The following PTCH1 variants were observed in gnomAD, a reference collection of about 807,000 sequenced individuals.
The protein encoded by PTCH1 is patched 1.
In PTCH1, 14 loss-of-function variants were observed where a neutral mutation model predicts 144.6. That is an observed-to-expected ratio of 0.10 (90% CI 0.06 to 0.15). The LOEUF is 0.15. Among genes scored for constraint, PTCH1 ranks in the 10% least tolerant of loss-of-function variants. The probability of loss-of-function intolerance (pLI) is 1.00; values close to 1 mark genes in which losing one functional copy is unlikely to be tolerated. For missense variants in PTCH1, 1,623 were observed against 1,948.3 expected (o/e 0.83, Z 3.14); for synonymous variants, 833 against 793.6 (o/e 1.05, Z -0.83).
chr9:95,507,246 G>A (rs1843752379), intron 1 of PTCH1: 2 of 985,576 alleles, frequency 2.0e-6, no homozygotes. Context: ...TTTGTGATCG[G>A]AAGAGGGCAG....
intron 2 of PTCH1, among the ~76,000 whole-genome samples, chr9:95,489,698 A>G (rs1254582485): frequency 6.6e-6 from 1 of 152,042 alleles, no homozygotes; most frequent in Non-Finnish European, 1.5e-5. Context: ...TGTTCGTGAA[A>G]TAGTGCAGAA....
chr9:95,494,547 G>C, intron 2 of PTCH1: 1 of 792,722 alleles, frequency 1.3e-6, no homozygotes, highest in Non-Finnish European at 1.5e-6. Flanking sequence ...AACTGTCCCA[G>C]GTTCTACCAC....
intron 2 of PTCH1, among the ~76,000 whole-genome samples, chr9:95,504,022 CAAAAAAAAAAAAAAAAAAAAAAAAAA>C (rs58747037): frequency 8.9e-4 from 6 of 6,712 alleles, no homozygotes; most frequent in Non-Finnish European, 1.4e-3. Context: ...GACTCCGTCT[CAAAAAAAAAAAAAAAAAAAAAAAAAA>C]AAAAAAAAAA....
Position 95,446,982 on chromosome 9 carries a change from G to A in PTCH1, c.4274C>T (p.Ser1425Leu), listed in dbSNP as rs587778630. The A allele has an allele frequency of 2.9e-5, 46 of 1,614,010 alleles. No homozygotes were observed. The highest frequency in any genetic ancestry group is 4.4e-5 in the South Asian group (4 of 91,090). Reference protein sequence around the residue: ...PFHVRCERRDSKVEVIELQDV... With the variant: ...PFHVRCERRDLKVEVIELQDV... ...CTGCAGCTCAATGACTTCCACCTTC[G>A]AATCCCTCCTCTCACACCGGACGTG... Residue 1425 changes from serine to leucine, a missense_variant, in exon 23 of 24, where the codon TCG (serine) becomes TTG (leucine). Transcript: ENST00000331920.
intron 16 of PTCH1, among the ~76,000 whole-genome samples, chr9:95,461,001 A>G (rs1452773722): frequency 6.6e-6 from 1 of 152,188 alleles, no homozygotes. Context: ...AAGGGGAGAC[A>G]ATAAACATAG....
At chr9:95,460,802 G>GTA (rs1188154835) in intron 16 of PTCH1, among the ~76,000 whole-genome samples, 10 of 152,136 alleles carry the variant, frequency 6.6e-5, no homozygotes, top group African/African-American at 2.2e-4. Context: ...TTGTCCCACA[G>GTA]TATCCCTGGT....
At chr9:95,511,008 C>G (rs1448501597), upstream of PTCH1, among the ~76,000 whole-genome samples, 1 of 148,574 alleles carries the variant, frequency 6.7e-6, no homozygotes, top group Non-Finnish European at 1.5e-5. Flanking sequence ...ACGTGCCGGA[C>G]GCGCCGTAGT....
intron 12 of PTCH1, among the ~76,000 whole-genome samples, chr9:95,473,218 T>A (rs145724755): frequency 7.0e-4 from 106 of 152,326 alleles, no homozygotes; most frequent in African/African-American, 2.2e-3. Flanking sequence ...GACAGTTTCC[T>A]TGTGGAAAAA....
At chr9:95,474,800 CAG>C (rs1164930754) in intron 12 of PTCH1, among the ~76,000 whole-genome samples, 1 of 152,082 alleles carries the variant, frequency 6.6e-6, no homozygotes, top group African/African-American at 2.4e-5. Flanking sequence ...AAACAGAAAC[CAG>C]ATGCAAGACT....
chr9:95,470,098 C>A (rs1017832092), intron 12 of PTCH1, among the ~76,000 whole-genome samples, 167 bp from the exon 13 acceptor site: 2 of 152,198 alleles, frequency 1.3e-5, no homozygotes, highest in African/African-American at 2.4e-5. Flanking sequence ...TCATCAAGAG[C>A]CTATTTGATA....
chr9:95,471,177 A>G (rs1209859754), intron 12 of PTCH1, among the ~76,000 whole-genome samples: 1 of 152,208 alleles, frequency 6.6e-6, no homozygotes, highest in Non-Finnish European at 1.5e-5. Flanking sequence ...TAAACGTCCT[A>G]GGGTGAGGAA....
At chr9:95,447,484 T>A (rs1406050036) in intron 22 of PTCH1, 33 bp from the exon 23 acceptor site, 1 of 1,516,180 alleles carries the variant, frequency 6.6e-7, no homozygotes, top group Non-Finnish European at 8.8e-7. Context: ...AGAAGGGTGG[T>A]ATCCCAGGCT....
chr9:95,449,585 G>C lies in PTCH1; in HGVS notation c.3549+256C>G. 1 of 633,938 alleles carries C rather than the reference G, an allele frequency of 1.6e-6. No homozygotes were observed. 39.3% of individuals were successfully genotyped at this position (633,938 alleles called of 1,614,324 possible). The stretch of plus-strand genomic sequence containing the variant: ...TGTGAAGTCCAATTATGCATCTCAA[G>C]GGGAAAGTCTTCATTTACTGTATAA... On this transcript the variant is annotated intron_variant, in intron 21 of 23. Transcript: ENST00000331920. This position sits in a 1 kb window ranked among gnomAD's most constrained non-coding sequence, Gnocchi z 5.3.
upstream of PTCH1, among the ~76,000 whole-genome samples, chr9:95,509,842 C>T (rs976126769): frequency 2.6e-5 from 4 of 152,034 alleles, no homozygotes; most frequent in Non-Finnish European, 4.4e-5. Context: ...TTCCTCTTCT[C>T]TTTTCTTTTA....
In PTCH1 at chr9:95,458,299, C is replaced by T. The variant is rs775208484; in HGVS notation, c.2888-6G>A. ...GATGGGCTCTGCTGCCGGGACTGGA[C>T]AGAGAAGGGCACAGGTTAGGAGCAG... On this transcript the variant is annotated splice_polypyrimidine_tract_variant and splice_region_variant and intron_variant, in intron 17 of 23. Transcript: ENST00000331920. The surrounding 1 kb of genome is among the most constrained non-coding windows in gnomAD (Gnocchi z 4.7). 4.3e-6 allele frequency: 7 copies of T among 1,613,200 alleles called. No homozygotes were observed. Among genetic ancestry groups the T allele is most frequent in the South Asian group, 1.1e-5 (1 of 90,924 alleles).
At chr9:95,460,225 C>T (rs947075511) in intron 16 of PTCH1, among the ~76,000 whole-genome samples, 4 of 152,208 alleles carry the variant, frequency 2.6e-5, no homozygotes, top group African/African-American at 9.7e-5. Context: ...AAAAATAAAA[C>T]AACATCTGTA....
chr9:95,449,861 A>C lies in PTCH1; in HGVS notation c.3529T>G (p.Phe1177Val), dbSNP rs772200521. The C allele has an allele frequency of 6.8e-6, 11 of 1,613,946 alleles. No individual in the cohort carries two copies. Among genetic ancestry groups the C allele is most frequent in the Non-Finnish European group, 5.9e-6 (7 of 1,179,906 alleles). Residue 1177 changes from phenylalanine (F) to valine (V), a missense_variant, in exon 21 of 24, where the codon TTC becomes GTC. By Grantham distance (50) the Phe-to-Val change is conservative (BLOSUM62 -1). Transcript: ENST00000331920. The surrounding 1 kb of genome is among the most constrained non-coding windows in gnomAD (Gnocchi z 5.3). Reference protein sequence around the residue: ...GLVLLPVLLSFFGPYPEVSPA... With the variant: ...GLVLLPVLLSVFGPYPEVSPA... ...CTGACCTCAGGATATGGTCCAAAGA[A>C]AGACAAAAGCACGGGAAGCAAAACC...
At chr9:95,489,430 C>T (rs532916027) in intron 2 of PTCH1, among the ~76,000 whole-genome samples, 4 of 151,348 alleles carry the variant, frequency 2.6e-5, no homozygotes, top group African/African-American at 9.7e-5. Flanking sequence ...CTCACCGCAG[C>T]CTCAACCTCC....
At chr9:95,446,604 C>T (rs1837915653) in intron 23 of PTCH1, 2 of 500,280 alleles carry the variant, frequency 4.0e-6, no homozygotes, top group African/African-American at 1.9e-5. Flanking sequence ...TTCGCTGTGG[C>T]ATGCACCTCC....
Sources: gnomAD v4.1 joint callset for allele counts (sites outside exome capture counted in the v4.1 genomes callset) on GRCh38, gnomAD v4.1.1 for gene constraint, Gnocchi (gnomAD v3.1) non-coding constraint, MANE v1.5 for transcripts, NCBI Gene and HGNC (gene_info 2026-07-23, HGNC 2026-07-21) for gene names.